Variants in ANKRD30B observed in about 807,000 individuals in gnomAD.
ANKRD30B encodes the protein ankyrin repeat domain-containing protein 30B.
Under a neutral mutation model 202.2 loss-of-function variants are expected in ANKRD30B, and 144 were observed. The observed-to-expected ratio is 0.71, with a 90% CI of 0.62 to 0.82. The LOEUF is 0.82. Among genes scored for constraint, ANKRD30B ranks in the 40% least tolerant of loss-of-function variants. The pLI is 0.00. For missense variants in ANKRD30B, 1,487 were observed against 1,669.1 expected (o/e 0.89, Z 1.90); for synonymous variants, 508 against 561.3 (o/e 0.91, Z 1.34).
chr18:14,764,179 C>A, intron 7 of ANKRD30B, 89 bp downstream of exon 7: 1 of 1,322,202 alleles, frequency 7.6e-7, no homozygotes, highest in Non-Finnish European at 1.0e-6. Context: ...TTGGGAATGT[C>A]TTGAATATCT....
chr18:14,757,242 A>G (rs1445682714), intron 4 of ANKRD30B, among the ~76,000 whole-genome samples: 1 of 152,202 alleles, frequency 6.6e-6, no homozygotes, highest in Non-Finnish European at 1.5e-5. Context: ...TCCTCACTTG[A>G]TAGGTGTGAC....
intron 39 of ANKRD30B, among the ~76,000 whole-genome samples, chr18:14,843,553 C>CTGTGTGTGTGTGTGTGTGTGTG (rs56044501): frequency 2.1e-5 from 3 of 145,270 alleles, no homozygotes; most frequent in South Asian, 2.3e-4. Flanking sequence ...AGCTTACTTT[C>CTGTGTGTGTGTGTGTGTGTGTG]TGTGTGTGTG....
chr18:14,794,038 G>T (rs1254103206), intron 16 of ANKRD30B, among the ~76,000 whole-genome samples: 2 of 152,044 alleles, frequency 1.3e-5, no homozygotes, highest in Admixed American at 1.3e-4. Flanking sequence ...CGCTATATTA[G>T]AAATTAAAAG....
intron 24 of ANKRD30B, among the ~76,000 whole-genome samples, chr18:14,807,072 C>T (rs1969568379): frequency 6.6e-6 from 1 of 151,030 alleles, no homozygotes; most frequent in East Asian, 1.9e-4. Flanking sequence ...CCTTAAAATG[C>T]TTGCACATAA....
chr18:14,925,168 A>C, the ANKRD30B span, among the ~76,000 whole-genome samples: 2 of 152,126 alleles, frequency 1.3e-5, no homozygotes, highest in Non-Finnish European at 2.9e-5. Context: ...ATCTGAGTGG[A>C]GGGTCAGAGG....
At position 14,799,312 on chromosome 18, in the gene ANKRD30B, T is replaced by A. The variant is rs567957349; in HGVS notation, c.2131+17T>A. ...TCAAAGCAGGTAAATTTTGCAATTTTAATTTTACTCTGGAATTAAGAATAT... is the reference window on the plus strand; with the variant it reads ...TCAAAGCAGGTAAATTTTGCAATTTAAATTTTACTCTGGAATTAAGAATAT... On this transcript the variant is annotated intron_variant, in intron 22 of 43. Coordinates refer to ENST00000690538, the MANE Select transcript of ANKRD30B (RefSeq NM_001367607.2). The A allele has an allele frequency of 8.7e-5, 131 of 1,505,802 alleles. No homozygotes were observed. Among genetic ancestry groups the A allele is most frequent in the African/African-American group, 3.2e-4 (23 of 70,908 alleles). 93.3% of individuals were successfully genotyped at this position (1,505,802 alleles called of 1,614,324 possible).
chr18:14,847,811 TG>T (rs1258893777), intron 39 of ANKRD30B, among the ~76,000 whole-genome samples: 1 of 151,986 alleles, frequency 6.6e-6, no homozygotes, highest in Non-Finnish European at 1.5e-5. Flanking sequence ...ACACTCTTCT[TG>T]GCACTATGTG....
chr18:14,828,970 C>T (rs908121600), intron 33 of ANKRD30B, among the ~76,000 whole-genome samples: 1 of 152,152 alleles, frequency 6.6e-6, no homozygotes, highest in Non-Finnish European at 1.5e-5. Flanking sequence ...ATAGAATTCT[C>T]TATTTACTGA....
chr18:14,752,500 C>T, intron 1 of ANKRD30B, 66 bp from the exon 2 acceptor site: 2 of 1,192,212 alleles, frequency 1.7e-6, no homozygotes, highest in South Asian at 1.5e-5. Flanking sequence ...TTTACAATTA[C>T]CTAAATCGTT....
In ANKRD30B at chr18:14,764,952, G is replaced by A. The variant is rs150415073; in HGVS notation, c.1225+862G>A. Among the ~76,000 whole-genome samples the A allele has an allele frequency of 2.8e-3, 433 of 152,252 alleles. 4 individuals are homozygous for A. The highest frequency in any genetic ancestry group is 9.6e-3 in the African/African-American group (398 of 41,538). On this transcript the variant is annotated intron_variant, in intron 7 of 43. Coordinates refer to ENST00000690538, the MANE Select transcript of ANKRD30B (RefSeq NM_001367607.2). The stretch of plus-strand genomic sequence containing the variant: ...TTTCTATTTTTGAGATGGAATGGGG[G>A]TAATGGAATAATGAATATCTAAATA...
chr18:14,754,958 T>C lies in ANKRD30B; in HGVS notation c.570T>C (p.Phe190=). 6.4e-7 allele frequency: 1 copy of C among 1,553,936 alleles called. No individual in the cohort carries two copies. Among genetic ancestry groups the C allele is most frequent in the Admixed American group, 2.0e-5 (1 of 51,032 alleles). The part of the protein sequence containing the change: ...IQKRSKQTVE[F]LLTKNANANA... ...AAAGAAGCAAGCAAACTGTGGAATT[T>C]TTACTAACAAAAAATGCAAATGCAA... Residue 190 remains phenylalanine, a synonymous_variant, in exon 4 of 44, where the codon TTT becomes TTC. Coordinates refer to ENST00000690538, the MANE Select transcript of ANKRD30B (RefSeq NM_001367607.2).
At chr18:14,749,049 TC>T (rs1912978457) in intron 1 of ANKRD30B, among the ~76,000 whole-genome samples, 1 of 152,258 alleles carries the variant, frequency 6.6e-6, no homozygotes, top group Admixed American at 6.5e-5. Context: ...ATGAACTAAT[TC>T]CCATAATATA....
chr18:14,764,684 A>T (rs1294629383), intron 7 of ANKRD30B, among the ~76,000 whole-genome samples: 1 of 152,158 alleles, frequency 6.6e-6, no homozygotes, highest in African/African-American at 2.4e-5. Context: ...TACTGCGCCC[A>T]GTCAGGATCC....
rs1915619206 is a variant in ANKRD30B at position 14,763,693 on chromosome 18, A to T, written c.828A>T (p.Thr276=). 6.2e-7 allele frequency: 1 copy of T among 1,613,692 alleles called. No individual in the cohort carries two copies. Among genetic ancestry groups the T allele is most frequent in the African/African-American group, 1.3e-5 (1 of 74,940 alleles). The change falls in exon 7 of 44, where the codon ACA becomes ACT. Residue 276 remains threonine, a synonymous_variant. Coordinates refer to ENST00000690538, the MANE Select transcript of ANKRD30B (RefSeq NM_001367607.2). ...AGATTGTGTGTTTGGCAGAAGGAAC[A>T]TCTACAGGAACACCTGATGAGGCTG... ...KNPQNTNPEG[T]STGTPDEAAP... is the part of the protein sequence containing the mutation.
the ANKRD30B span, among the ~76,000 whole-genome samples, chr18:14,874,521 T>C: frequency 6.6e-6 from 1 of 152,198 alleles, no homozygotes; most frequent in Admixed American, 6.5e-5. Context: ...TTCATAACAT[T>C]CCATTATGTA....
At chr18:14,782,335 A>G (rs1005498511) in intron 11 of ANKRD30B, among the ~76,000 whole-genome samples, 192 bp from the exon 12 acceptor site, 3 of 152,226 alleles carry the variant, frequency 2.0e-5, no homozygotes, top group Admixed American at 2.0e-4. Flanking sequence ...CATGAAGACA[A>G]CAGATAAGTT....
At position 14,752,665 on chromosome 18, in the gene ANKRD30B, G is replaced by A. The variant is rs1827728080; in HGVS notation, c.321G>A (p.Arg107=). ...CQLNVLDGEG[R]TPLMKALQCE... is the part of the protein sequence containing the mutation. The stretch of plus-strand genomic sequence containing the variant: ...TTAATGTCCTTGATGGCGAAGGGAG[G>A]ACACCTCTGATGAAGGTAAATAGTA... Residue 107 remains arginine (R), a synonymous_variant, in exon 2 of 44, where the codon AGG becomes AGA. Coordinates refer to ENST00000690538, the MANE Select transcript of ANKRD30B (RefSeq NM_001367607.2). 1 of 1,604,758 alleles carries A rather than the reference G, an allele frequency of 6.2e-7. No homozygotes were observed. The highest frequency in any genetic ancestry group is 1.7e-5 in the Admixed American group (1 of 58,922).
rs148717209 is a variant in ANKRD30B, at chr18:14,824,837, C to T, written c.2743+2160C>T. Among the ~76,000 whole-genome samples, 851 of 152,260 alleles carry T rather than the reference C, an allele frequency of 5.6e-3. 5 individuals are homozygous for T. The highest frequency in any genetic ancestry group is 0.02 in the African/African-American group (825 of 41,546). The stretch of plus-strand genomic sequence containing the variant: ...CTCTATCACAGCTTTTCAACTCTAC[C>T]ATTGTAGCATGAAAGCAGTCATAGA... On this transcript the variant is annotated intron_variant, in intron 32 of 43. Coordinates refer to ENST00000690538, the MANE Select transcript of ANKRD30B (RefSeq NM_001367607.2).
the ANKRD30B span, among the ~76,000 whole-genome samples, chr18:14,898,255 T>A: frequency 8.5e-5 from 13 of 152,286 alleles, no homozygotes; most frequent in South Asian, 2.1e-4. Context: ...GGGTATGGTG[T>A]GAGACGATAC....
Sources: gnomAD v4.1 joint callset for allele counts (sites outside exome capture counted in the v4.1 genomes callset) on GRCh38, gnomAD v4.1.1 for gene constraint, MANE v1.5 for transcripts, NCBI Gene and HGNC (gene_info 2026-07-23, HGNC 2026-07-21) for gene names.